The following MAP2K5 variants were observed in gnomAD, a reference collection of about 807,000 sequenced individuals.
MAP2K5 encodes the protein mitogen-activated protein kinase kinase 5, also known as dual specificity mitogen-activated protein kinase kinase 5.
In MAP2K5, 49 loss-of-function variants were observed where a neutral mutation model predicts 83.1. The ratio of observed to expected loss-of-function variants is 0.59; its 90% CI spans 0.47 to 0.75. MAP2K5 has a LOEUF of 0.75. Among genes scored for constraint, MAP2K5 ranks in the 30% least tolerant of loss-of-function variants. MAP2K5 has a pLI of 0.00. For synonymous variants in MAP2K5, 202 were observed against 191.8 expected, an observed-to-expected ratio of 1.05 and a Z score of -0.44; for missense variants, 457 against 557.5, an observed-to-expected ratio of 0.82 and a Z score of 1.82.
At chr15:67,692,620 T>C in intron 14 of MAP2K5, 68 bp downstream of exon 14, 1 of 1,264,474 alleles carries the variant, frequency 7.9e-7, no homozygotes, top group Non-Finnish European at 1.1e-6. Context: ...CATTCTGTTC[T>C]CTGGATTGAA....
intron 6 of MAP2K5, chr15:67,588,180 C>T: frequency 1.2e-6 from 1 of 819,726 alleles, no homozygotes; most frequent in Non-Finnish European, 1.5e-6. Context: ...TGTACTCCAG[C>T]TTGCTGGCCC....
intron 9 of MAP2K5, among the ~76,000 whole-genome samples, chr15:67,639,394 A>C (rs1302524335): frequency 6.6e-6 from 1 of 152,184 alleles, no homozygotes; most frequent in Non-Finnish European, 1.5e-5. Flanking sequence ...GCATTTTTTA[A>C]ATTAATGCTC....
chr15:67,793,655 T>C lies in MAP2K5; in HGVS notation c.1243-12991T>C, dbSNP rs1194317138. ...AGTTCTAGTTTAACTTCCATATTCTTAGTCTGAGATAAGGGTGTCAAAGTA... is the reference window on the plus strand; with the variant it reads ...AGTTCTAGTTTAACTTCCATATTCTCAGTCTGAGATAAGGGTGTCAAAGTA... On this transcript the variant is annotated intron_variant, in intron 21 of 21. Coordinates refer to ENST00000178640, the MANE Select transcript of MAP2K5 (RefSeq NM_145160.3). The surrounding 1 kb of genome is among the most constrained non-coding windows in gnomAD (Gnocchi z 4.6). Among the ~76,000 whole-genome samples the C allele has an allele frequency of 1.3e-5, 2 of 152,208 alleles. No homozygotes were observed. The highest frequency in any genetic ancestry group is 2.9e-5 in the Non-Finnish European group (2 of 68,026).
At chr15:67,763,139 A>G (rs2089980720) in intron 19 of MAP2K5, among the ~76,000 whole-genome samples, 1 of 152,102 alleles carries the variant, frequency 6.6e-6, no homozygotes, top group South Asian at 2.1e-4. Context: ...CTTCTCTGGT[A>G]TGTCATCTGC....
At chr15:67,583,563 A>G (rs2085229280) in intron 4 of MAP2K5, among the ~76,000 whole-genome samples, 1 of 152,150 alleles carries the variant, frequency 6.6e-6, no homozygotes, top group Admixed American at 6.5e-5. Context: ...ACATTTTATC[A>G]TATGTAGATA....
chr15:67,744,435 A>G (rs1052970226), intron 17 of MAP2K5, among the ~76,000 whole-genome samples: 1 of 152,268 alleles, frequency 6.6e-6, no homozygotes, highest in African/African-American at 2.4e-5. Flanking sequence ...ATATGTAAAG[A>G]GAAAATTTGT....
intron 16 of MAP2K5, among the ~76,000 whole-genome samples, chr15:67,704,661 T>C (rs1243175306): frequency 2.6e-5 from 4 of 152,210 alleles, no homozygotes; most frequent in South Asian, 2.1e-4. Flanking sequence ...ACAATATGTA[T>C]GCATCAGCTG....
chr15:67,563,206 A>T lies in MAP2K5; in HGVS notation c.185-77A>T. ...GAGGGTTAGAATATCACATTGTAATAAACCGTTTATATTATGTTCCCTTTG... is the reference window on the plus strand; with the variant it reads ...GAGGGTTAGAATATCACATTGTAATTAACCGTTTATATTATGTTCCCTTTG... On this transcript the variant is annotated intron_variant, in intron 2 of 21. Transcript: ENST00000178640. The surrounding 1 kb of genome is among the most constrained non-coding windows in gnomAD (Gnocchi z 4.5). 4 of 1,520,106 alleles carry T rather than the reference A, an allele frequency of 2.6e-6. No individual in the cohort carries two copies. Among genetic ancestry groups the T allele is most frequent in the Non-Finnish European group, 3.5e-6 (4 of 1,134,390 alleles). 94.2% of individuals were successfully genotyped at this position (1,520,106 alleles called of 1,614,324 possible). A position where few individuals can be genotyped will look rare whatever the true frequency, so the allele number is the denominator to read the frequency against.
intron 13 of MAP2K5, among the ~76,000 whole-genome samples, chr15:67,667,788 G>A (rs1242463262): frequency 2.6e-5 from 4 of 152,126 alleles, no homozygotes; most frequent in African/African-American, 9.7e-5. Context: ...GAATACGGTG[G>A]TCCAGATTTT....
intron 6 of MAP2K5, 21 bp downstream of exon 6, chr15:67,586,934 T>A (rs1161382284): frequency 6.2e-7 from 1 of 1,613,486 alleles, no homozygotes; most frequent in Non-Finnish European, 8.5e-7. Context: ...GCAAGTAAAG[T>A]GTGCCCTTGA....
At position 67,646,422 on chromosome 15, in the gene MAP2K5, C is replaced by A. The variant is rs1303558998; in HGVS notation, c.689C>A (p.Ala230Glu). ...DSSYIIGFYG[A>E]FFVENRISIC... ...TCATATATCATTGGATTTTATGGAG[C>A]ATTTTTTGTAGAAAACAGGATTTCA... is the stretch of plus-strand genomic sequence containing the variant. The change falls in exon 11 of 22, where the codon GCA (alanine) becomes GAA (glutamate). Residue 230 changes from alanine to glutamate, a missense_variant. By Grantham distance (107) the Ala-to-Glu change is moderately radical. This residue lies in a region of MAP2K5 where 168 missense variants were observed against 263.0 expected (regional missense o/e 0.64). Coordinates refer to ENST00000178640, the MANE Select transcript of MAP2K5 (RefSeq NM_145160.3). 1.2e-6 allele frequency: 2 copies of A among 1,602,374 alleles called. No individual in the cohort carries two copies. The highest frequency in any genetic ancestry group is 1.7e-6 in the Non-Finnish European group (2 of 1,171,492).
intron 8 of MAP2K5, chr15:67,629,110 G>T (rs2086399300): frequency 1.4e-6 from 1 of 733,934 alleles, no homozygotes; most frequent in African/African-American, 1.7e-5. Context: ...AGCAGCAGTA[G>T]CTACGGCAGT....
In MAP2K5 at chr15:67,580,777, G is replaced by A; in HGVS notation, c.276G>A (p.Gln92=). Residue 92 remains glutamine (Q), a synonymous_variant, in exon 4 of 22, where the codon CAG becomes CAA. Transcript: ENST00000178640. The part of the protein sequence containing the change: ...LSYYYSTVME[Q]QVNGQLIEPL... ...AGTATTATTCCACAGTAATGGAACA[G>A]CAAGTAAATGGACAGTTAATAGAGC... is the stretch of plus-strand genomic sequence containing the variant. 1.2e-6 allele frequency: 2 copies of A among 1,608,236 alleles called. No homozygotes were observed. Among genetic ancestry groups the A allele is most frequent in the African/African-American group, 2.7e-5 (2 of 74,924 alleles).
chr15:67,645,321 A>C (rs1362424219), intron 9 of MAP2K5, among the ~76,000 whole-genome samples: 2 of 152,080 alleles, frequency 1.3e-5, no homozygotes, highest in East Asian at 3.9e-4. Flanking sequence ...TCTACCAAAA[A>C]TGCAAAAAAT....
At chr15:67,630,438 TA>T (rs1487931497) in intron 8 of MAP2K5, among the ~76,000 whole-genome samples, 2 of 151,682 alleles carry the variant, frequency 1.3e-5, no homozygotes, top group Admixed American at 6.6e-5. Flanking sequence ...CATGTGTAAT[TA>T]AAAAAATAAG....
chr15:67,547,455 CTTTT>C (rs398057779), intron 1 of MAP2K5, among the ~76,000 whole-genome samples: 1 of 128,758 alleles, frequency 7.8e-6, no homozygotes. Flanking sequence ...TTTCTTTTTT[CTTTT>C]TTTTTTTTTT....
At chr15:67,692,874 G>T (rs1354064034) in intron 14 of MAP2K5, among the ~76,000 whole-genome samples, 1 of 152,158 alleles carries the variant, frequency 6.6e-6, no homozygotes. Context: ...GCTGTGCCTG[G>T]GGAGCCCAAC....
intron 3 of MAP2K5, among the ~76,000 whole-genome samples, chr15:67,570,371 C>G (rs1477686213): frequency 6.6e-6 from 1 of 152,196 alleles, no homozygotes; most frequent in African/African-American, 2.4e-5. Flanking sequence ...GATTTTCTTT[C>G]TCATCATCTA....
chr15:67,628,961 TG>T, intron 8 of MAP2K5: 2 of 764,124 alleles, frequency 2.6e-6, no homozygotes, highest in East Asian at 4.9e-5. Flanking sequence ...ACAATGATTT[TG>T]GCAATTTCAA....
Sources: allele counts gnomAD v4.1 joint callset (sites outside exome capture counted in the v4.1 genomes callset), GRCh38; gene constraint gnomAD v4.1.1; regional missense constraint gnomAD v4.1.1; non-coding constraint Gnocchi (gnomAD v3.1); transcripts MANE v1.5; gene names NCBI Gene and HGNC (gene_info 2026-07-23, HGNC 2026-07-21).